Variants in SUGCT observed in about 807,000 individuals in gnomAD.
SUGCT encodes succinyl-CoA:glutarate-CoA transferase, also known as succinyl-CoA:glutarate CoA-transferase.
In SUGCT, 41 loss-of-function variants were observed where a neutral mutation model predicts 55.0. That is an observed-to-expected ratio of 0.74 (90% CI 0.58 to 0.97). SUGCT has a LOEUF of 0.97. SUGCT is among the 50% of genes least tolerant of loss of function. SUGCT has a pLI of 0.00. For synonymous variants in SUGCT, 187 were observed against 200.4 expected (o/e 0.93, Z 0.56); for missense variants, 568 against 547.8 (o/e 1.04, Z -0.37).
chr7:40,456,553 T>C (rs550682774), intron 10 of SUGCT, among the ~76,000 whole-genome samples: 33 of 152,052 alleles, frequency 2.2e-4, no homozygotes, highest in African/African-American at 8.0e-4. Flanking sequence ...ATAAACATAA[T>C]AAATATGTTA....
intron 9 of SUGCT, among the ~76,000 whole-genome samples, chr7:40,418,911 C>T (rs188318631): frequency 2.0e-5 from 3 of 152,212 alleles, no homozygotes; most frequent in African/African-American, 4.8e-5. Flanking sequence ...TAAACTGTAA[C>T]GTACTTGTAA....
At chr7:41,013,503 G>A in the SUGCT span, among the ~76,000 whole-genome samples, 4 of 152,178 alleles carry the variant, frequency 2.6e-5, no homozygotes, top group Non-Finnish European at 5.9e-5. Context: ...CATTGGCTGA[G>A]GACATAGACG....
chr7:40,671,951 C>T (rs1007405586), intron 12 of SUGCT, among the ~76,000 whole-genome samples: 2 of 152,126 alleles, frequency 1.3e-5, no homozygotes, highest in African/African-American at 4.8e-5. Context: ...TTTATAGCTA[C>T]AGTAAACAAG....
the SUGCT span, among the ~76,000 whole-genome samples, chr7:41,007,797 A>G: frequency 7.2e-6 from 1 of 139,764 alleles, no homozygotes; most frequent in Non-Finnish European, 1.5e-5. Context: ...TGACAATGGA[A>G]TCTTGAAGGA....
intron 9 of SUGCT, among the ~76,000 whole-genome samples, chr7:40,365,108 A>G (rs1376949787): frequency 6.6e-6 from 1 of 152,208 alleles, no homozygotes; most frequent in African/African-American, 2.4e-5. Context: ...CTGGTTCAGT[A>G]TATGCAAATT....
At chr7:40,431,042 C>T (rs1194353539) in intron 9 of SUGCT, among the ~76,000 whole-genome samples, 1 of 149,688 alleles carries the variant, frequency 6.7e-6, no homozygotes, top group African/African-American at 2.5e-5. Flanking sequence ...CTCTTGAACC[C>T]AGGAGACGGA....
At chr7:40,907,118 TGTGTGTGTGTGTGTGTGTGTGTGAGA>T in the SUGCT span, among the ~76,000 whole-genome samples, 196 of 76,746 alleles carry the variant, frequency 2.6e-3, 1 homozygote, top group African/African-American at 8.4e-3. Context: ...TGTGTGTGTG[TGTGTGTGTGTGTGTGTGTGTGTGAGA>T]GAGAGAGAGA....
At chr7:40,739,437 T>C (rs1180058566) in intron 12 of SUGCT, among the ~76,000 whole-genome samples, 1 of 152,232 alleles carries the variant, frequency 6.6e-6, no homozygotes, top group Non-Finnish European at 1.5e-5. Context: ...TTGTTCCTTT[T>C]CATTGCTAAG....
At chr7:40,808,642 C>G (rs1275390574) in intron 13 of SUGCT, among the ~76,000 whole-genome samples, 1 of 152,186 alleles carries the variant, frequency 6.6e-6, no homozygotes, top group South Asian at 2.1e-4. Flanking sequence ...GAACATTCCT[C>G]CAAGGGCCTT....
At chr7:40,930,273 G>T in the SUGCT span, among the ~76,000 whole-genome samples, 4 of 152,062 alleles carry the variant, frequency 2.6e-5, no homozygotes, top group East Asian at 7.7e-4. Context: ...CTGTTCCATT[G>T]GTCTGTATAT....
intron 8 of SUGCT, 75 bp from the exon 9 acceptor site, chr7:40,316,685 A>G: frequency 3.2e-6 from 3 of 944,152 alleles, no homozygotes; most frequent in Admixed American, 2.7e-5. Context: ...AATTACTTTC[A>G]TAATATAACG....
chr7:40,197,310 G>T (rs560855427), intron 6 of SUGCT, among the ~76,000 whole-genome samples: 1 of 152,206 alleles, frequency 6.6e-6, no homozygotes, highest in Non-Finnish European at 1.5e-5. Flanking sequence ...TTTTCCATCA[G>T]AATCTTGTAA....
intron 13 of SUGCT, among the ~76,000 whole-genome samples, chr7:40,767,417 A>G (rs949588473): frequency 6.6e-5 from 10 of 152,292 alleles, no homozygotes; most frequent in African/African-American, 2.2e-4. Flanking sequence ...TCAAAATGCT[A>G]TTGGTCCAAA....
At chr7:40,633,329 C>G in intron 12 of SUGCT, among the ~76,000 whole-genome samples, 1 of 152,108 alleles carries the variant, frequency 6.6e-6, no homozygotes, top group Non-Finnish European at 1.5e-5. Context: ...GAACATTTCT[C>G]CTTCATTTTT....
chr7:40,523,634 G>C (rs1583893124), intron 12 of SUGCT, among the ~76,000 whole-genome samples: 1 of 152,116 alleles, frequency 6.6e-6, no homozygotes, highest in East Asian at 1.9e-4. Flanking sequence ...AGGTTCTAGG[G>C]GAGGATCTAC....
chr7:40,490,133 A>G (rs28457727), intron 11 of SUGCT, among the ~76,000 whole-genome samples: 9,067 of 152,278 alleles, frequency 0.06, 885 homozygotes, highest in African/African-American at 0.21. Flanking sequence ...AATCAATCTG[A>G]GGAAGACTCA....
At chr7:40,932,868 G>C in the SUGCT span, among the ~76,000 whole-genome samples, 1 of 151,544 alleles carries the variant, frequency 6.6e-6, no homozygotes, top group African/African-American at 2.4e-5. Flanking sequence ...CACACTGATG[G>C]GTTTTGACTC....
At chr7:40,873,076 A>G in the SUGCT span, among the ~76,000 whole-genome samples, 1 of 152,310 alleles carries the variant, frequency 6.6e-6, no homozygotes, top group African/African-American at 2.4e-5. Flanking sequence ...TCTAGAAGTC[A>G]TAGGGTCTTC....
At chr7:40,978,793 G>A in the SUGCT span, among the ~76,000 whole-genome samples, 16 of 152,174 alleles carry the variant, frequency 1.1e-4, no homozygotes, top group Non-Finnish European at 2.9e-5. Flanking sequence ...GAGTGGAGGC[G>A]ATGAAGCCCG....
Sources: gnomAD v4.1 joint callset for allele counts (sites outside exome capture counted in the v4.1 genomes callset) on GRCh38, gnomAD v4.1.1 for gene constraint, MANE v1.5 for transcripts, NCBI Gene and HGNC (gene_info 2026-07-23, HGNC 2026-07-21) for gene names.